CCDC62: variants seen among roughly 807,000 people sequenced by gnomAD.
The protein encoded by CCDC62 is coiled-coil domain containing 62.
In CCDC62, 72 loss-of-function variants were observed where a neutral mutation model predicts 80.8. That is an observed-to-expected ratio of 0.89 (90% CI 0.74 to 1.08). CCDC62 has a LOEUF of 1.08. Among genes scored for constraint, CCDC62 ranks in the 50% least tolerant of loss-of-function variants. The pLI, the probability that CCDC62 is intolerant of heterozygous loss-of-function variation, is 0.00. For synonymous variants in CCDC62, 286 were observed against 296.5 expected (o/e 0.96, Z 0.36); for missense variants, 704 against 809.4 (o/e 0.87, Z 1.58).
intron 11 of CCDC62, among the ~76,000 whole-genome samples, chr12:122,817,143 C>T (rs1170833383): frequency 6.6e-6 from 1 of 151,786 alleles, no homozygotes; most frequent in Non-Finnish European, 1.5e-5. Context: ...GCTCCACCTT[C>T]CGGGTTCACA....
At chr12:122,779,823 G>T (rs146647401) in intron 2 of CCDC62, among the ~76,000 whole-genome samples, 60 of 141,106 alleles carry the variant, frequency 4.3e-4, no homozygotes, top group Non-Finnish European at 8.3e-4. Context: ...CAGAAGAATT[G>T]CTTGAACTTG....
At chr12:122,818,629 T>A (rs1218684930) in intron 11 of CCDC62, among the ~76,000 whole-genome samples, 1 of 150,526 alleles carries the variant, frequency 6.6e-6, no homozygotes, top group African/African-American at 2.5e-5. Context: ...CTAAGAAAAA[T>A]AAAATAAAAT....
intron 11 of CCDC62, 121 bp downstream of exon 11, chr12:122,813,540 G>C: frequency 1.2e-6 from 1 of 840,112 alleles, no homozygotes; most frequent in Admixed American, 3.1e-5. Flanking sequence ...TGTGTCTCTA[G>C]GGAGGAAAGG....
At chr12:122,786,661 GTTAAAA>G (rs1258579792) in intron 4 of CCDC62, among the ~76,000 whole-genome samples, 2 of 152,122 alleles carry the variant, frequency 1.3e-5, no homozygotes, top group Admixed American at 6.5e-5. Context: ...GGCAAGTGCT[GTTAAAA>G]TTAAAGAGAA....
At chr12:122,825,843 A>G (rs1186460202) in intron 12 of CCDC62, among the ~76,000 whole-genome samples, 1 of 149,122 alleles carries the variant, frequency 6.7e-6, no homozygotes, top group Non-Finnish European at 1.5e-5. Flanking sequence ...AAAAAAAAAA[A>G]TTAGCCGGGC....
intron 5 of CCDC62, among the ~76,000 whole-genome samples, chr12:122,789,770 CA>C (rs538865114): frequency 8.9e-4 from 136 of 152,266 alleles, no homozygotes; most frequent in African/African-American, 3.1e-3. Flanking sequence ...ATTCAGCATT[CA>C]AAAATGTTGT....
chr12:122,822,953 C>T (rs910338490), intron 11 of CCDC62, among the ~76,000 whole-genome samples: 2 of 151,508 alleles, frequency 1.3e-5, no homozygotes, highest in Admixed American at 6.6e-5. Context: ...CTTCATCTAA[C>T]GTCTTTTTTT....
rs949436222 is a variant in CCDC62, at chr12:122,805,112, T to C, written c.1707-1039T>C. Among the ~76,000 whole-genome samples the C allele has an allele frequency of 2.7e-5, 4 of 150,606 alleles. No homozygotes were observed. In the East Asian group the frequency reaches 7.8e-4, roughly 30 times the overall value. On this transcript the variant is annotated intron_variant, in intron 9 of 12. Transcript: ENST00000253079. ...GTTGGCCAGGCTGGTCTCAAACTCC[T>C]GACCTCAGGTGGTCAGCTCTCCTCG...
At chr12:122,821,380 C>T (rs922483107) in intron 11 of CCDC62, among the ~76,000 whole-genome samples, 6 of 152,136 alleles carry the variant, frequency 3.9e-5, no homozygotes, top group African/African-American at 1.4e-4. Context: ...GTCAAGAAGC[C>T]TTTGTTGGAT....
chr12:122,799,460 G>T (rs1270659355), intron 8 of CCDC62, among the ~76,000 whole-genome samples: 1 of 152,162 alleles, frequency 6.6e-6, no homozygotes, highest in Non-Finnish European at 1.5e-5. Context: ...ACTCCACCGA[G>T]GGTGATCTGT....
chr12:122,789,935 A>G (rs985922157), intron 5 of CCDC62, among the ~76,000 whole-genome samples: 1 of 141,930 alleles, frequency 7.0e-6, no homozygotes, highest in African/African-American at 3.1e-5. Flanking sequence ...CAAGGGCTAC[A>G]CTCTAGGTAT....
At chr12:122,809,260 T>A (rs4426165) in intron 10 of CCDC62, among the ~76,000 whole-genome samples, 1 of 151,684 alleles carries the variant, frequency 6.6e-6, no homozygotes, top group African/African-American at 2.4e-5. Flanking sequence ...GAGGCTGAGG[T>A]GGGCAGATCA....
chr12:122,786,558 C>T (rs969664633), intron 4 of CCDC62, among the ~76,000 whole-genome samples: 2 of 152,150 alleles, frequency 1.3e-5, no homozygotes, highest in African/African-American at 4.8e-5. Context: ...ATGTCATTGA[C>T]AATTGGTATT....
At chr12:122,814,955 C>A (rs2032101136) in intron 11 of CCDC62, among the ~76,000 whole-genome samples, 1 of 152,014 alleles carries the variant, frequency 6.6e-6, no homozygotes, top group Non-Finnish European at 1.5e-5. Flanking sequence ...CCTCAGTCTC[C>A]CAAGTAGCTG....
intron 9 of CCDC62, among the ~76,000 whole-genome samples, chr12:122,802,411 T>C (rs549299521): frequency 1.7e-5 from 2 of 121,038 alleles, no homozygotes; most frequent in African/African-American, 3.4e-5. Context: ...ATCTCTACAC[T>C]TTTTTTTTTT....
In CCDC62 at chr12:122,813,250, T is replaced by A; in HGVS notation, c.1852-20T>A. 6.3e-7 allele frequency: 1 copy of A among 1,585,256 alleles called. No individual in the cohort carries two copies. The highest frequency in any genetic ancestry group is 1.4e-5 in the African/African-American group (1 of 73,852). ...GTTTGTAAACCTAAGCATTTAAAGGTGCCTCTTAATTTCCTGTAGGCTTCA... is the reference window on the plus strand; with the variant it reads ...GTTTGTAAACCTAAGCATTTAAAGGAGCCTCTTAATTTCCTGTAGGCTTCA... On this transcript the variant is annotated intron_variant, in intron 10 of 12. Coordinates refer to ENST00000253079, the MANE Select transcript of CCDC62 (RefSeq NM_201435.5).
chr12:122,825,086 C>CA (rs879280596), intron 12 of CCDC62, among the ~76,000 whole-genome samples: 88 of 106,958 alleles, frequency 8.2e-4, no homozygotes, highest in African/African-American at 1.9e-3. Flanking sequence ...AACTCAGTCT[C>CA]AAAAAAAAAA....
chr12:122,823,587 C>T, intron 12 of CCDC62, 128 bp downstream of exon 12: 1 of 531,008 alleles, frequency 1.9e-6, no homozygotes. Context: ...TTTGCTCGAC[C>T]AATTTATGCA....
rs1181604701 is a variant in CCDC62, at chr12:122,826,850, AAT to A, written c.*474_*475del. On this transcript the variant is annotated 3_prime_UTR_variant, in exon 13 of 13. Coordinates refer to ENST00000253079, the MANE Select transcript of CCDC62 (RefSeq NM_201435.5). ...CAATAGCTTATCAGAGTCAGCTCAA[AAT>A]ATATGAGAAACAGTATTCTCTCATG... 6.2e-6 allele frequency: 1 copy of A among 161,706 alleles called. No homozygotes were observed. Among genetic ancestry groups the A allele is most frequent in the African/African-American group, 2.4e-5 (1 of 41,804 alleles). 10.0% of individuals were successfully genotyped at this position (161,706 alleles called of 1,614,324 possible).
Sources: allele counts gnomAD v4.1 joint callset (sites outside exome capture counted in the v4.1 genomes callset), GRCh38; gene constraint gnomAD v4.1.1; transcripts MANE v1.5; gene names NCBI Gene and HGNC (gene_info 2026-07-23, HGNC 2026-07-21).